FOXP2: variants seen among roughly 807,000 people sequenced by gnomAD.
FOXP2 encodes the protein forkhead box protein P2.
In FOXP2, 12 loss-of-function variants were observed where a neutral mutation model predicts 115.8. The ratio of observed to expected loss-of-function variants is 0.10; its 90% confidence interval spans 0.07 to 0.17. The LOEUF is 0.17. FOXP2 is among the 10% of genes least tolerant of loss of function. The probability of loss-of-function intolerance (pLI) is 1.00; values close to 1 mark genes in which losing one functional copy is unlikely to be tolerated. For missense variants in FOXP2, 629 were observed against 843.5 expected (o/e 0.75, Z 3.15); for synonymous variants, 328 against 297.7 (o/e 1.10, Z -1.05).
intron 3 of FOXP2, among the ~76,000 whole-genome samples, chr7:114,605,587 G>A (rs1055437260): frequency 6.6e-6 from 1 of 152,172 alleles, no homozygotes; most frequent in Non-Finnish European, 1.5e-5. Context: ...GTGCCCTGTG[G>A]ATCACTGCAT....
At chr7:114,433,201 G>T (rs1245317310) in intron 2 of FOXP2, among the ~76,000 whole-genome samples, 1 of 151,908 alleles carries the variant, frequency 6.6e-6, no homozygotes, top group African/African-American at 2.4e-5. Flanking sequence ...GAGCATTTGT[G>T]TCCTAGTCCA....
intron 2 of FOXP2, among the ~76,000 whole-genome samples, chr7:114,508,176 T>A (rs1273648643): frequency 6.6e-6 from 1 of 151,968 alleles, no homozygotes; most frequent in Non-Finnish European, 1.5e-5. Flanking sequence ...CAAGCACAAC[T>A]TTTTTCTGCT....
chr7:114,148,752 A>G (rs1215091788), intron 1 of FOXP2, among the ~76,000 whole-genome samples: 1 of 152,160 alleles, frequency 6.6e-6, no homozygotes, highest in Non-Finnish European at 1.5e-5. Context: ...GTCATTTTCA[A>G]TTTTCCCTCT....
intron 1 of FOXP2, among the ~76,000 whole-genome samples, chr7:114,264,644 G>A (rs1795850860): frequency 6.6e-6 from 1 of 152,234 alleles, no homozygotes; most frequent in South Asian, 2.1e-4. Flanking sequence ...GTGTTAGGCT[G>A]TTTTTGAGTT....
chr7:114,180,872 T>A (rs2129155016), intron 1 of FOXP2, among the ~76,000 whole-genome samples: 1 of 152,118 alleles, frequency 6.6e-6, no homozygotes, highest in East Asian at 1.9e-4. Flanking sequence ...CAATTCTTTA[T>A]ACCCTTTATC....
At chr7:114,182,143 C>T (rs2129155240) in intron 1 of FOXP2, among the ~76,000 whole-genome samples, 1 of 152,028 alleles carries the variant, frequency 6.6e-6, no homozygotes, top group Non-Finnish European at 1.5e-5. Context: ...TCTAGTTCTA[C>T]TTGATAACTG....
intron 1 of FOXP2, among the ~76,000 whole-genome samples, chr7:114,266,088 A>C (rs975066924): frequency 6.6e-6 from 1 of 152,038 alleles, no homozygotes; most frequent in Non-Finnish European, 1.5e-5. Context: ...AAAAACAAAA[A>C]ACTGGACCTA....
At chr7:114,540,255 T>C (rs1799589628) in intron 3 of FOXP2, among the ~76,000 whole-genome samples, 1 of 152,010 alleles carries the variant, frequency 6.6e-6, no homozygotes, top group South Asian at 2.1e-4. Flanking sequence ...CACTTCACAC[T>C]CTCCAAACAT....
chr7:114,475,033 G>A (rs1295796413), intron 2 of FOXP2, among the ~76,000 whole-genome samples: 1 of 151,984 alleles, frequency 6.6e-6, no homozygotes, highest in Non-Finnish European at 1.5e-5. Flanking sequence ...TAGTCTGTAT[G>A]AGTCTGAAAT....
At chr7:114,476,634 A>T (rs973126174) in intron 2 of FOXP2, among the ~76,000 whole-genome samples, 3 of 151,572 alleles carry the variant, frequency 2.0e-5, no homozygotes, top group African/African-American at 2.4e-5. Context: ...GAATTTTAGA[A>T]TTTTTTTTCT....
intron 2 of FOXP2, among the ~76,000 whole-genome samples, chr7:114,482,620 T>C (rs1454590731): frequency 6.6e-6 from 1 of 151,552 alleles, no homozygotes; most frequent in Non-Finnish European, 1.5e-5. Context: ...CTTTTTTGGT[T>C]CTCCATCACA....
intron 2 of FOXP2, among the ~76,000 whole-genome samples, chr7:114,354,836 T>C (rs79161510): frequency 0.044 from 6,733 of 152,278 alleles, 215 homozygotes; most frequent in Admixed American, 0.086. Flanking sequence ...TTTTAAAATA[T>C]GAGATATTTT....
chr7:114,348,511 C>T (rs190161831), intron 2 of FOXP2, among the ~76,000 whole-genome samples: 4 of 152,088 alleles, frequency 2.6e-5, no homozygotes, highest in Admixed American at 1.3e-4. Context: ...TTTATATCTT[C>T]GTTTTTCCCA....
intron 13 of FOXP2, 131 bp downstream of exon 13, chr7:114,659,804 A>T: frequency 1.3e-6 from 1 of 741,724 alleles, no homozygotes. Context: ...CTTGAATGGA[A>T]TGAATTCCCT....
chr7:114,171,185 C>T (rs907791962), intron 1 of FOXP2, among the ~76,000 whole-genome samples: 5 of 152,198 alleles, frequency 3.3e-5, no homozygotes, highest in Non-Finnish European at 5.9e-5. Context: ...GATGACAGCA[C>T]ATATGTTTCA....
intron 2 of FOXP2, among the ~76,000 whole-genome samples, chr7:114,457,757 G>A (rs1795376348): frequency 6.6e-6 from 1 of 152,036 alleles, no homozygotes; most frequent in African/African-American, 2.4e-5. Flanking sequence ...AACTAGCCAG[G>A]CGTGGTGGCA....
intron 2 of FOXP2, among the ~76,000 whole-genome samples, chr7:114,291,173 G>A (rs1043360243): frequency 5.9e-5 from 9 of 152,100 alleles, no homozygotes; most frequent in African/African-American, 1.9e-4. Flanking sequence ...TAAGTTCAGG[G>A]TGTCAACCTC....
chr7:114,314,177 C>T (rs1372766965), intron 2 of FOXP2, among the ~76,000 whole-genome samples: 8 of 150,900 alleles, frequency 5.3e-5, no homozygotes, highest in South Asian at 4.2e-4. Context: ...AATATGGTCA[C>T]GGTAGTTTGA....
At chr7:114,295,990 A>G (rs1016443506) in intron 2 of FOXP2, among the ~76,000 whole-genome samples, 5 of 152,218 alleles carry the variant, frequency 3.3e-5, no homozygotes, top group Non-Finnish European at 7.3e-5. Context: ...ATAGATTGCC[A>G]TAGGAGAATT....
Sources: allele counts gnomAD v4.1 joint callset (sites outside exome capture counted in the v4.1 genomes callset), GRCh38; gene constraint gnomAD v4.1.1; transcripts MANE v1.5; gene names NCBI Gene and HGNC (gene_info 2026-07-23, HGNC 2026-07-21).